Variants in TRAPPC9 observed in about 807,000 individuals in gnomAD.
The protein encoded by TRAPPC9 is IKK2 binding protein.
TRAPPC9 carries 83 observed loss-of-function variants against 124.0 expected under a neutral mutation model. That is an observed-to-expected ratio of 0.67 (90% CI 0.56 to 0.80). TRAPPC9 has a LOEUF of 0.80. Among genes scored for constraint, TRAPPC9 ranks in the 30% least tolerant of loss-of-function variants. The pLI, the probability that TRAPPC9 is intolerant of heterozygous loss-of-function variation, is 0.00. For missense variants in TRAPPC9, 1,302 were observed against 1,508.3 expected, an observed-to-expected ratio of 0.86 and a Z score of 2.27; for synonymous variants, 638 against 617.5, an observed-to-expected ratio of 1.03 and a Z score of -0.49.
rs150148586 is a variant in TRAPPC9, at chr8:140,402,285, G to A, written c.1008+3292C>T. Among the ~76,000 whole-genome samples, 716 of 152,102 alleles carry A rather than the reference G, an allele frequency of 4.7e-3. 11 individuals carry two copies. Among genetic ancestry groups the A allele is most frequent in the African/African-American group, 0.017 (696 of 41,496 alleles). On this transcript the variant is annotated intron_variant, in intron 6 of 22. Transcript: ENST00000438773. ...CTTGGTCATCTGAGTGAGGCCAAGT[G>A]AGGTAGGAGGATGAGGGTGGGAGGA...
chr8:139,977,030 T>A (rs1201304535), intron 19 of TRAPPC9, among the ~76,000 whole-genome samples: 5 of 152,178 alleles, frequency 3.3e-5, no homozygotes, highest in Non-Finnish European at 7.3e-5. Context: ...GATTATCTGA[T>A]GAGTAAGACG....
intron 21 of TRAPPC9, among the ~76,000 whole-genome samples, chr8:139,822,407 C>A (rs993375592): frequency 6.6e-6 from 1 of 152,162 alleles, no homozygotes; most frequent in Non-Finnish European, 1.5e-5. Context: ...TCCGAGAGAA[C>A]AATGCCAGGT....
At chr8:140,071,989 C>G (rs745473346) in intron 17 of TRAPPC9, among the ~76,000 whole-genome samples, 2 of 152,158 alleles carry the variant, frequency 1.3e-5, no homozygotes, top group Non-Finnish European at 2.9e-5. Flanking sequence ...TCTCAACTGA[C>G]GCAGAAAAAG....
At chr8:140,184,729 T>A (rs1047808754) in intron 17 of TRAPPC9, among the ~76,000 whole-genome samples, 1 of 152,148 alleles carries the variant, frequency 6.6e-6, no homozygotes, top group African/African-American at 2.4e-5. Context: ...ATTACAAGCA[T>A]CCTAAATACC....
chr8:140,236,565 AT>A (rs2131403238), intron 16 of TRAPPC9, among the ~76,000 whole-genome samples: 1 of 152,348 alleles, frequency 6.6e-6, no homozygotes, highest in South Asian at 2.1e-4. Flanking sequence ...GAACATAAAA[AT>A]TCATCAAGCT....
At chr8:140,249,174 C>T (rs981740170) in intron 16 of TRAPPC9, among the ~76,000 whole-genome samples, 3 of 95,090 alleles carry the variant, frequency 3.2e-5, no homozygotes, top group African/African-American at 1.8e-4. Flanking sequence ...CCCTCCCTGA[C>T]CCCTCACTCC....
intron 19 of TRAPPC9, among the ~76,000 whole-genome samples, chr8:139,934,933 T>C (rs138398542): frequency 7.3e-4 from 111 of 152,262 alleles, no homozygotes; most frequent in Non-Finnish European, 1.2e-3. Flanking sequence ...TTCCGAGGTC[T>C]TGCCAGGACA....
intron 21 of TRAPPC9, among the ~76,000 whole-genome samples, chr8:139,838,922 AGGTCAGCT>A (rs1355709499): frequency 2.0e-5 from 3 of 152,192 alleles, no homozygotes; most frequent in African/African-American, 7.2e-5. Flanking sequence ...CTGAGGATCC[AGGTCAGCT>A]GATGTGCAGC....
chr8:140,205,289 C>T (rs972454596), intron 17 of TRAPPC9, among the ~76,000 whole-genome samples: 2 of 152,208 alleles, frequency 1.3e-5, no homozygotes, highest in Non-Finnish European at 2.9e-5. Context: ...GAAGTTTATA[C>T]TGCATGATAC....
intron 17 of TRAPPC9, among the ~76,000 whole-genome samples, chr8:140,083,972 G>C (rs1844021932): frequency 6.6e-6 from 1 of 152,030 alleles, no homozygotes; most frequent in Non-Finnish European, 1.5e-5. Flanking sequence ...CCCAGGCTTG[G>C]GTTTTTGTTT....
At chr8:140,342,032 C>G (rs1324057633) in intron 9 of TRAPPC9, among the ~76,000 whole-genome samples, 2 of 152,176 alleles carry the variant, frequency 1.3e-5, no homozygotes, top group Non-Finnish European at 2.9e-5. Context: ...AAAGAAAGGG[C>G]GGATCTGGAA....
rs2060482720 is a variant in TRAPPC9, at chr8:140,097,833, T to C, written c.2557-73754A>G. On this transcript the variant is annotated intron_variant, in intron 17 of 22. Coordinates refer to ENST00000438773, the MANE Select transcript of TRAPPC9 (RefSeq NM_001160372.4). This position sits in a 1 kb window ranked among gnomAD's most constrained non-coding sequence, Gnocchi z 4.2. ...CCCAGGGTCATGACGCCTACCCAGGTCCTTAGTGCGTGGCTACAGACGTGC... is the reference window on the plus strand; with the variant it reads ...CCCAGGGTCATGACGCCTACCCAGGCCCTTAGTGCGTGGCTACAGACGTGC... 2 of 151,970 alleles carry C rather than the reference T, an allele frequency of 1.3e-5. No individual in the cohort carries two copies. The highest frequency in any genetic ancestry group is 4.1e-4 in the South Asian group (2 of 4,822). 9.4% of individuals were successfully genotyped at this position (151,970 alleles called of 1,614,324 possible).
intron 21 of TRAPPC9, among the ~76,000 whole-genome samples, chr8:139,877,289 A>C (rs1000451798): frequency 6.6e-6 from 1 of 152,222 alleles, no homozygotes; most frequent in African/African-American, 2.4e-5. Flanking sequence ...GCCTAGCCCC[A>C]TTAGTCACCA....
chr8:140,213,036 C>T (rs1228924017), intron 17 of TRAPPC9, among the ~76,000 whole-genome samples: 2 of 150,112 alleles, frequency 1.3e-5, no homozygotes, highest in Non-Finnish European at 1.5e-5. Flanking sequence ...GCCACTGCAC[C>T]ACTCTAGCCT....
chr8:140,021,495 T>C (rs1027832695), intron 18 of TRAPPC9, among the ~76,000 whole-genome samples: 8 of 152,260 alleles, frequency 5.3e-5, no homozygotes, highest in African/African-American at 1.9e-4. Context: ...ATTTTAAAAG[T>C]GAAGGAAACA....
At chr8:140,438,864 G>C (rs1344073802) in intron 3 of TRAPPC9, among the ~76,000 whole-genome samples, 188 bp downstream of exon 3, 1 of 152,114 alleles carries the variant, frequency 6.6e-6, no homozygotes, top group African/African-American at 2.4e-5. Context: ...GCTAATTTTT[G>C]TATTTTTAGT....
intron 15 of TRAPPC9, among the ~76,000 whole-genome samples, chr8:140,261,728 G>A (rs529697581): frequency 5.3e-5 from 8 of 152,214 alleles, no homozygotes; most frequent in Admixed American, 3.3e-4. Flanking sequence ...TTTCTTAAAC[G>A]TGCTTCAACT....
At chr8:140,261,543 C>G (rs1027053503) in intron 15 of TRAPPC9, among the ~76,000 whole-genome samples, 2 of 152,196 alleles carry the variant, frequency 1.3e-5, no homozygotes, top group African/African-American at 4.8e-5. Context: ...TAGCATATAA[C>G]TGAAATAAGA....
intron 2 of TRAPPC9, among the ~76,000 whole-genome samples, chr8:140,441,921 C>T (rs942258085): frequency 6.6e-6 from 1 of 152,126 alleles, no homozygotes; most frequent in Non-Finnish European, 1.5e-5. Flanking sequence ...GTAGTCCCAG[C>T]TACTCAGGAG....
Sources: gnomAD v4.1 joint callset for allele counts (sites outside exome capture counted in the v4.1 genomes callset) on GRCh38, gnomAD v4.1.1 for gene constraint, Gnocchi (gnomAD v3.1) non-coding constraint, MANE v1.5 for transcripts, NCBI Gene and HGNC (gene_info 2026-07-23, HGNC 2026-07-21) for gene names.